The following MAST4 variants were observed in gnomAD, a reference collection of about 807,000 sequenced individuals.
The protein encoded by MAST4 is microtubule associated serine/threonine kinase family member 4, also known as microtubule-associated serine/threonine-protein kinase 4.
Under a neutral mutation model 162.7 loss-of-function variants are expected in MAST4, and 89 were observed. That is an observed-to-expected ratio of 0.55 (90% CI 0.46 to 0.65). The LOEUF (loss-of-function observed/expected upper bound fraction) is 0.65, where lower values mean the gene tolerates loss of function less well. MAST4 is among the 30% of genes least tolerant of loss of function. The pLI, the probability that MAST4 is intolerant of heterozygous loss-of-function variation, is 0.00. For synonymous variants in MAST4, 1,479 were observed against 1,361.1 expected, an observed-to-expected ratio of 1.09 and a Z score of -1.91; for missense variants, 3,153 against 3,374.0, an observed-to-expected ratio of 0.93 and a Z score of 1.62.
chr5:66,997,268 G>A (rs1451027133), intron 4 of MAST4, among the ~76,000 whole-genome samples: 1 of 151,988 alleles, frequency 6.6e-6, no homozygotes, highest in Non-Finnish European at 1.5e-5. Context: ...CCATATATGG[G>A]TCTATGTATG....
At chr5:66,777,965 G>C (rs1015348784) in intron 2 of MAST4, among the ~76,000 whole-genome samples, 1 of 152,098 alleles carries the variant, frequency 6.6e-6, no homozygotes, top group Non-Finnish European at 1.5e-5. Context: ...TTCCCAGGGG[G>C]GTTAGACATG....
At chr5:66,601,891 G>A (rs139678673) in intron 1 of MAST4, among the ~76,000 whole-genome samples, 10 of 152,262 alleles carry the variant, frequency 6.6e-5, no homozygotes, top group East Asian at 1.9e-4. Context: ...TAGCCTAATC[G>A]TTCCAGAGTT....
intron 1 of MAST4, among the ~76,000 whole-genome samples, chr5:66,728,077 A>C (rs1344619995): frequency 6.6e-6 from 1 of 152,178 alleles, no homozygotes; most frequent in African/African-American, 2.4e-5. Flanking sequence ...TGAGGATTAA[A>C]TGAGACAACA....
At chr5:67,082,144 AATCTTTTTTTTTTTT>A (rs1762730079) in intron 5 of MAST4, among the ~76,000 whole-genome samples, 1 of 146,950 alleles carries the variant, frequency 6.8e-6, no homozygotes, top group Non-Finnish European at 1.5e-5. Flanking sequence ...AACTACCTGT[AATCTTTTTTTTTTTT>A]TTTTTTTTGA....
At chr5:66,952,787 C>T (rs1744859337) in intron 4 of MAST4, among the ~76,000 whole-genome samples, 2 of 151,816 alleles carry the variant, frequency 1.3e-5, no homozygotes, top group African/African-American at 2.4e-5. Context: ...CTCTCATGAC[C>T]TGGCAATTTT....
intron 1 of MAST4, among the ~76,000 whole-genome samples, chr5:66,661,469 A>G (rs927106387): frequency 1.2e-4 from 18 of 152,196 alleles, no homozygotes; most frequent in African/African-American, 4.1e-4. Context: ...GTTACAAAGG[A>G]GTCCAGGGAA....
intron 3 of MAST4, among the ~76,000 whole-genome samples, chr5:66,833,266 G>A (rs1422114305): frequency 6.6e-6 from 1 of 152,110 alleles, no homozygotes; most frequent in African/African-American, 2.4e-5. Flanking sequence ...TCCCACCTTT[G>A]ATTTCTCCAT....
intron 5 of MAST4, among the ~76,000 whole-genome samples, chr5:67,086,948 A>T (rs988971462): frequency 6.6e-6 from 1 of 152,226 alleles, no homozygotes; most frequent in African/African-American, 2.4e-5. Context: ...TCACTGTATA[A>T]CAAAATAGTA....
intron 4 of MAST4, among the ~76,000 whole-genome samples, chr5:66,952,576 A>G (rs373300623): frequency 9.2e-5 from 14 of 152,074 alleles, no homozygotes; most frequent in African/African-American, 3.4e-4. Flanking sequence ...CAAATGATAC[A>G]ATCCTTGAGA....
intron 1 of MAST4, among the ~76,000 whole-genome samples, chr5:66,679,728 C>T (rs979956124): frequency 2.0e-5 from 3 of 151,890 alleles, no homozygotes; most frequent in Non-Finnish European, 4.4e-5. Flanking sequence ...TGCAGGCTCT[C>T]CAGTTGGGGA....
At chr5:66,976,266 A>G (rs924682776) in intron 4 of MAST4, among the ~76,000 whole-genome samples, 1 of 152,220 alleles carries the variant, frequency 6.6e-6, no homozygotes, top group Non-Finnish European at 1.5e-5. Flanking sequence ...ACGCACTCAG[A>G]TAGGCTCACT....
rs75425374 is a variant in MAST4 at position 66,958,323 on chromosome 5, C to T, written c.674+58341C>T. 8.1e-3 allele frequency among the ~76,000 whole-genome samples: 1,235 copies of T among 152,246 alleles called. 17 individuals are homozygous for T. The highest frequency in any genetic ancestry group is 0.028 in the African/African-American group (1,179 of 41,526). ...TTAGAGGAAGTGAGTCAGTTACGTT[C>T]TTCATACACTACAATGGAAGTACAC... On this transcript the variant is annotated intron_variant, in intron 4 of 28. Transcript: ENST00000403625.
In MAST4 at chr5:67,163,609, G is replaced by A. The variant is rs750479415; in HGVS notation, c.4430G>A (p.Arg1477Gln). The change falls in exon 29 of 29, where the codon CGG becomes CAG. Residue 1477 changes from arginine to glutamine, a missense_variant. Coordinates refer to ENST00000403625, the MANE Select transcript of MAST4 (RefSeq NM_001164664.2). This position sits in a 1 kb window ranked among gnomAD's most constrained non-coding sequence, Gnocchi z 7.0. Reference protein sequence around the residue: ...SLEVTQEEVQREQSQREAPLQ... With the variant: ...SLEVTQEEVQQEQSQREAPLQ... ...GAGGTGACCCAAGAGGAGGTGCAGC[G>A]GGAGCAGTCCCAGCGGGAGGCGCCG... 1.2e-6 allele frequency: 2 copies of A among 1,601,972 alleles called. No individual in the cohort carries two copies. Among genetic ancestry groups the A allele is most frequent in the Non-Finnish European group, 1.7e-6 (2 of 1,174,938 alleles).
intron 24 of MAST4, 46 bp downstream of exon 24, chr5:67,149,635 G>T (rs1771561118): frequency 6.4e-7 from 1 of 1,571,794 alleles, no homozygotes; most frequent in Non-Finnish European, 8.7e-7. Context: ...TGTGCATGTG[G>T]TCCCATCCCT....
Position 66,973,999 on chromosome 5 carries a change from C to T in MAST4, c.674+74017C>T, listed in dbSNP as rs370172874. ...TTGAGCACCTCCTCACTTTCTGGCA[C>T]AGGATGTTCTAGCTGTCCAGAGCAG... is the stretch of plus-strand genomic sequence containing the variant. On this transcript the variant is annotated intron_variant, in intron 4 of 28. Coordinates refer to ENST00000403625, the MANE Select transcript of MAST4 (RefSeq NM_001164664.2). 1.6e-4 allele frequency among the ~76,000 whole-genome samples: 25 copies of T among 152,250 alleles called. No homozygotes were observed. In the South Asian group the frequency reaches 5.0e-3, roughly 30 times the overall value.
intron 4 of MAST4, among the ~76,000 whole-genome samples, chr5:67,025,254 C>G (rs770724717): frequency 9.2e-5 from 14 of 151,984 alleles, no homozygotes; most frequent in Non-Finnish European, 2.1e-4. Flanking sequence ...TCTTTATTAG[C>G]ACATCAGATA....
At position 66,660,059 on chromosome 5, in the gene MAST4, TG is replaced by T. The variant is rs767393401; in HGVS notation, c.363+63042del. On this transcript the variant is annotated intron_variant, in intron 1 of 28. Coordinates refer to ENST00000403625, the MANE Select transcript of MAST4 (RefSeq NM_001164664.2). ...GGGTGTCTTAGGATGAGTAGGAGTT[TG>T]CTGGGTGGGAAAGTGAAAGAGTGGC... 1.6e-3 allele frequency among the ~76,000 whole-genome samples: 238 copies of T among 151,998 alleles called. 2 individuals are homozygous for T. The highest frequency in any genetic ancestry group is 2.8e-3 in the Non-Finnish European group (190 of 67,994).
At chr5:67,133,682 C>A (rs919269343) in intron 17 of MAST4, 36 bp downstream of exon 17, 2 of 1,608,500 alleles carry the variant, frequency 1.2e-6, no homozygotes, top group Admixed American at 3.4e-5. Context: ...TTGAGAAATA[C>A]AAAGTATGGT....
chr5:67,122,337 T>G (rs1233657524), intron 14 of MAST4, among the ~76,000 whole-genome samples: 2 of 152,228 alleles, frequency 1.3e-5, no homozygotes, highest in Admixed American at 1.3e-4. Flanking sequence ...TTCCACACCA[T>G]TAACTTAAGA....
Sources: gnomAD v4.1 joint callset for allele counts (sites outside exome capture counted in the v4.1 genomes callset) on GRCh38, gnomAD v4.1.1 for gene constraint, Gnocchi (gnomAD v3.1) non-coding constraint, MANE v1.5 for transcripts, NCBI Gene and HGNC (gene_info 2026-07-23, HGNC 2026-07-21) for gene names.